CAST: variants seen among roughly 807,000 people sequenced by gnomAD.
The protein encoded by CAST is calpastatin.
Under a neutral mutation model 119.6 loss-of-function variants are expected in CAST, and 76 were observed. The ratio of observed to expected loss-of-function variants is 0.64; its 90% confidence interval spans 0.53 to 0.77. The LOEUF is 0.77. Among genes scored for constraint, CAST ranks in the 30% least tolerant of loss-of-function variants. CAST has a pLI of 0.00. For missense variants in CAST, 953 were observed against 946.5 expected (o/e 1.01, Z -0.09); for synonymous variants, 319 against 331.6 (o/e 0.96, Z 0.41).
chr5:96,635,235 T>G (rs1293141085), intron 1 of CAST, among the ~76,000 whole-genome samples: 3 of 152,210 alleles, frequency 2.0e-5, no homozygotes, highest in East Asian at 1.9e-4. Flanking sequence ...ATTTTTGCTG[T>G]GGCATAACAA....
the CAST span, chr5:95,986,128 C>T: frequency 3.3e-5 from 5 of 152,306 alleles, no homozygotes; most frequent in East Asian, 9.6e-4. Flanking sequence ...AGGGCACTTG[C>T]CAACAGAGTA....
the CAST span, among the ~76,000 whole-genome samples, chr5:96,081,044 C>A: frequency 6.6e-6 from 1 of 152,176 alleles, no homozygotes; most frequent in Admixed American, 6.5e-5. Flanking sequence ...TATAAGGAAT[C>A]AAAAGGCCTA....
chr5:96,713,133 CTTT>C (rs11406642), intron 3 of CAST, among the ~76,000 whole-genome samples: 7 of 136,750 alleles, frequency 5.1e-5, no homozygotes, highest in Admixed American at 7.5e-5. Context: ...CAGAATTTCT[CTTT>C]TTTTTTTTTT....
chr5:96,413,238 T>G, the CAST span, among the ~76,000 whole-genome samples: 22 of 152,234 alleles, frequency 1.4e-4, no homozygotes, highest in Admixed American at 4.6e-4. Context: ...GGAATCATTT[T>G]TCATCAGGAC....
chr5:96,346,221 C>T, the CAST span, among the ~76,000 whole-genome samples: 9 of 152,244 alleles, frequency 5.9e-5, no homozygotes, highest in Middle Eastern at 3.4e-3. Flanking sequence ...CTCCAGATTT[C>T]GGGCTTGAGC....
the CAST span, among the ~76,000 whole-genome samples, chr5:96,113,135 T>G: frequency 2.0e-5 from 3 of 152,204 alleles, no homozygotes; most frequent in African/African-American, 7.2e-5. Flanking sequence ...GACAGCATGC[T>G]TCTTAACAGC....
the CAST span, among the ~76,000 whole-genome samples, chr5:95,963,164 T>C: frequency 6.6e-6 from 1 of 152,238 alleles, no homozygotes; most frequent in African/African-American, 2.4e-5. Flanking sequence ...ACGCTTGTTT[T>C]TACCCTCAGC....
At chr5:96,108,536 G>A in the CAST span, among the ~76,000 whole-genome samples, 83 of 152,228 alleles carry the variant, frequency 5.5e-4, no homozygotes, top group Non-Finnish European at 6.8e-4. Context: ...TAGGCTGCTC[G>A]GGGATCAGGG....
the CAST span, among the ~76,000 whole-genome samples, chr5:96,290,782 C>A: frequency 6.6e-6 from 1 of 152,190 alleles, no homozygotes; most frequent in South Asian, 2.1e-4. Flanking sequence ...GGAAAGATTA[C>A]GAAGTAGCAA....
At chr5:96,212,663 T>C in the CAST span, among the ~76,000 whole-genome samples, 4 of 152,200 alleles carry the variant, frequency 2.6e-5, no homozygotes, top group African/African-American at 9.6e-5. Flanking sequence ...TTATATCAAT[T>C]GTTGAAAGAG....
chr5:96,076,647 G>A, the CAST span, among the ~76,000 whole-genome samples: 1 of 152,152 alleles, frequency 6.6e-6, no homozygotes, highest in African/African-American at 2.4e-5. Flanking sequence ...CTCTGTAGTT[G>A]AAAGCATTTG....
chr5:96,652,771 C>T (rs1748109662), intron 1 of CAST, among the ~76,000 whole-genome samples: 1 of 152,164 alleles, frequency 6.6e-6, no homozygotes. Context: ...TGATGTATCC[C>T]AGGAAAAACA....
the CAST span, among the ~76,000 whole-genome samples, chr5:96,311,975 T>C: frequency 6.6e-6 from 1 of 152,128 alleles, no homozygotes; most frequent in East Asian, 1.9e-4. Context: ...CTGGTTGTTT[T>C]GTAGATACTT....
At chr5:96,107,584 G>A in the CAST span, among the ~76,000 whole-genome samples, 59 of 152,016 alleles carry the variant, frequency 3.9e-4, no homozygotes, top group African/African-American at 1.3e-3. Flanking sequence ...AGTTTCTGCC[G>A]AGAGATCCGC....
the CAST span, among the ~76,000 whole-genome samples, chr5:96,220,017 C>T: frequency 6.6e-6 from 1 of 152,060 alleles, no homozygotes; most frequent in African/African-American, 2.4e-5. Context: ...ATTCCTTTCC[C>T]CTTTCTTCCT....
intron 1 of CAST, among the ~76,000 whole-genome samples, chr5:96,604,975 G>A (rs946887674): frequency 2.6e-5 from 4 of 152,154 alleles, no homozygotes; most frequent in South Asian, 2.1e-4. Flanking sequence ...CTGTAGAGGC[G>A]GAGGAGAAGA....
At chr5:96,015,861 C>T in the CAST span, among the ~76,000 whole-genome samples, 1 of 152,154 alleles carries the variant, frequency 6.6e-6, no homozygotes, top group Non-Finnish European at 1.5e-5. Flanking sequence ...TTGTGGGGAA[C>T]TTCATCCAGG....
At chr5:96,436,728 C>A in the CAST span, among the ~76,000 whole-genome samples, 26 of 152,036 alleles carry the variant, frequency 1.7e-4, no homozygotes, top group African/African-American at 6.3e-4. Context: ...AATACACACA[C>A]CTTTTAGAGA....
At chr5:96,433,815 T>A in the CAST span, among the ~76,000 whole-genome samples, 3 of 152,232 alleles carry the variant, frequency 2.0e-5, no homozygotes, top group African/African-American at 7.2e-5. Context: ...TTTTAACCAT[T>A]CAAGCCACCT....
Sources: allele counts gnomAD v4.1 joint callset (sites outside exome capture counted in the v4.1 genomes callset), GRCh38; gene constraint gnomAD v4.1.1; transcripts MANE v1.5; gene names NCBI Gene and HGNC (gene_info 2026-07-23, HGNC 2026-07-21).